Variants in NEGR1 observed in about 807,000 individuals in gnomAD.
The protein encoded by NEGR1 is neuronal growth regulator 1, also known as IgLON family member 4.
In NEGR1, 10 loss-of-function variants were observed where a neutral mutation model predicts 40.9. The observed-to-expected ratio is 0.24, with a 90% CI of 0.15 to 0.42. The LOEUF is 0.42. Ranked by LOEUF, NEGR1 falls within the 10% of genes least tolerant of loss-of-function variation. NEGR1 has a pLI of 1.00. For synonymous variants in NEGR1, 185 were observed against 166.8 expected, an observed-to-expected ratio of 1.11 and a Z score of -0.84; for missense variants, 352 against 438.9, an observed-to-expected ratio of 0.80 and a Z score of 1.77.
chr1:71,767,607 G>A (rs945586108), intron 3 of NEGR1, among the ~76,000 whole-genome samples: 1 of 152,194 alleles, frequency 6.6e-6, no homozygotes, highest in African/African-American at 2.4e-5. Context: ...TATGTGGTAG[G>A]TAGAAAAGTA....
intron 1 of NEGR1, among the ~76,000 whole-genome samples, chr1:72,176,620 T>A (rs1652174815): frequency 6.6e-6 from 1 of 151,988 alleles, no homozygotes; most frequent in African/African-American, 2.4e-5. Context: ...GAGACTTGGA[T>A]AATGAAAGTG....
intron 1 of NEGR1, among the ~76,000 whole-genome samples, chr1:72,001,203 C>G (rs965268743): frequency 2.6e-5 from 4 of 151,930 alleles, no homozygotes; most frequent in African/African-American, 9.7e-5. Context: ...GAAATGGCAA[C>G]CATTTTTTCA....
intron 6 of NEGR1, among the ~76,000 whole-genome samples, chr1:71,453,076 T>C (rs143076805): frequency 3.2e-4 from 48 of 152,284 alleles, no homozygotes; most frequent in African/African-American, 1.1e-3. Flanking sequence ...TGGTTTTATA[T>C]AGCATCTTTC....
intron 1 of NEGR1, among the ~76,000 whole-genome samples, chr1:72,239,902 TC>T (rs2100512342): frequency 6.6e-6 from 1 of 151,916 alleles, no homozygotes; most frequent in East Asian, 1.9e-4. Flanking sequence ...TGAGAAATAT[TC>T]TATGAAATGG....
chr1:71,656,234 C>G (rs1363389431), intron 4 of NEGR1, among the ~76,000 whole-genome samples: 1 of 152,094 alleles, frequency 6.6e-6, no homozygotes, highest in Admixed American at 6.5e-5. Flanking sequence ...ACTCTCATGA[C>G]GTAGTAAAGA....
At chr1:71,951,119 A>T in intron 1 of NEGR1, among the ~76,000 whole-genome samples, 1 of 151,996 alleles carries the variant, frequency 6.6e-6, no homozygotes, top group East Asian at 1.9e-4. Flanking sequence ...TTAAACTGGC[A>T]TTTAGGAAAA....
chr1:71,972,379 A>C (rs553792806), intron 1 of NEGR1, among the ~76,000 whole-genome samples: 2 of 152,324 alleles, frequency 1.3e-5, no homozygotes, highest in Middle Eastern at 6.8e-3. Context: ...GGAGGCAATA[A>C]AAATTAATGA....
At chr1:72,182,775 T>C (rs1270569909) in intron 1 of NEGR1, among the ~76,000 whole-genome samples, 1 of 62,932 alleles carries the variant, frequency 1.6e-5, no homozygotes, top group Non-Finnish European at 2.9e-5. Flanking sequence ...TGTGTGTGCG[T>C]GTGTATATAT....
chr1:72,119,554 C>T (rs1649720073), intron 1 of NEGR1, among the ~76,000 whole-genome samples: 2 of 151,900 alleles, frequency 1.3e-5, no homozygotes, highest in African/African-American at 4.8e-5. Flanking sequence ...CATAGGTTAT[C>T]ATATTGGCAG....
chr1:71,615,252 T>C (rs1435376306), intron 4 of NEGR1, among the ~76,000 whole-genome samples: 1 of 151,846 alleles, frequency 6.6e-6, no homozygotes, highest in Non-Finnish European at 1.5e-5. Flanking sequence ...ATTCCTCTGT[T>C]GATTCAACAC....
intron 6 of NEGR1, among the ~76,000 whole-genome samples, chr1:71,590,032 A>G (rs1649445846): frequency 6.6e-6 from 1 of 152,130 alleles, no homozygotes; most frequent in South Asian, 2.1e-4. Context: ...CCATGTCTTT[A>G]CATGAGCGGT....
chr1:71,403,402 A>G lies in NEGR1; in HGVS notation c.*4044T>C, dbSNP rs1245211625. The G allele has an allele frequency of 1.3e-5, 2 of 152,138 alleles. No homozygotes were observed. The highest frequency in any genetic ancestry group is 4.8e-5 in the African/African-American group (2 of 41,468). The allele number at this position is 152,138 out of a possible 1,614,324, so 9.4% of individuals were successfully genotyped here. On this transcript the variant is annotated 3_prime_UTR_variant, in exon 7 of 7. Coordinates refer to ENST00000357731, the MANE Select transcript of NEGR1 (RefSeq NM_173808.3). ...CTGTAAGATCATCAGGATTTTATCA[A>G]CAGGATATTTAGTCTCTGTTGCTAA...
At chr1:71,835,029 A>T (rs369016150) in intron 2 of NEGR1, among the ~76,000 whole-genome samples, 2 of 152,078 alleles carry the variant, frequency 1.3e-5, no homozygotes, top group Admixed American at 6.6e-5. Context: ...GACTGATTAC[A>T]GCTAGGCTTT....
At chr1:72,188,486 C>T (rs1006509947) in intron 1 of NEGR1, among the ~76,000 whole-genome samples, 2 of 151,448 alleles carry the variant, frequency 1.3e-5, no homozygotes, top group Non-Finnish European at 3.0e-5. Context: ...AGAGCCTATA[C>T]TTTTAAAAAT....
At chr1:71,477,949 G>A (rs1480553215) in intron 6 of NEGR1, among the ~76,000 whole-genome samples, 1 of 151,450 alleles carries the variant, frequency 6.6e-6, no homozygotes, top group South Asian at 2.1e-4. Context: ...AGGGAATGAG[G>A]AATAAAAAAA....
intron 3 of NEGR1, among the ~76,000 whole-genome samples, chr1:71,705,295 T>A (rs1163841598): frequency 6.6e-6 from 1 of 152,148 alleles, no homozygotes; most frequent in Non-Finnish European, 1.5e-5. Flanking sequence ...TAAATACGAT[T>A]TAGAAGGAAA....
chr1:71,922,229 C>A (rs527406473), intron 2 of NEGR1, among the ~76,000 whole-genome samples: 1 of 152,062 alleles, frequency 6.6e-6, no homozygotes, highest in Non-Finnish European at 1.5e-5. Context: ...CCGCCTGTGA[C>A]AATAAGAGAG....
At chr1:71,632,765 C>T (rs1341442616) in intron 4 of NEGR1, among the ~76,000 whole-genome samples, 1 of 151,746 alleles carries the variant, frequency 6.6e-6, no homozygotes, top group Non-Finnish European at 1.5e-5. Flanking sequence ...TAGAACTATG[C>T]CTTGAATATA....
At chr1:72,152,976 T>G (rs958879913) in intron 1 of NEGR1, among the ~76,000 whole-genome samples, 2 of 151,830 alleles carry the variant, frequency 1.3e-5, no homozygotes, top group Non-Finnish European at 2.9e-5. Flanking sequence ...CACTGGAGAT[T>G]ACTGAGAGAA....
Sources: allele counts gnomAD v4.1 joint callset (sites outside exome capture counted in the v4.1 genomes callset), GRCh38; gene constraint gnomAD v4.1.1; transcripts MANE v1.5; gene names NCBI Gene and HGNC (gene_info 2026-07-23, HGNC 2026-07-21).